CPEB2: variants seen among roughly 807,000 people sequenced by gnomAD.
CPEB2 encodes the protein cytoplasmic polyadenylation element-binding protein 2.
Under a neutral mutation model 93.6 loss-of-function variants are expected in CPEB2, and 56 were observed. The observed-to-expected ratio is 0.60, with a 90% CI of 0.48 to 0.75. The LOEUF (loss-of-function observed/expected upper bound fraction) is 0.75. CPEB2 is among the 30% of genes least tolerant of loss of function. The probability of loss-of-function intolerance (pLI) is 0.00; values close to 1 mark genes in which losing one functional copy is unlikely to be tolerated. For missense variants in CPEB2, 1,579 were observed against 1,395.1 expected, an observed-to-expected ratio of 1.13 and a Z score of -2.10; for synonymous variants, 764 against 586.3, an observed-to-expected ratio of 1.30 and a Z score of -4.38.
chr4:15,039,492 A>C (rs1345766229), intron 5 of CPEB2, among the ~76,000 whole-genome samples: 3 of 151,496 alleles, frequency 2.0e-5, no homozygotes, highest in Admixed American at 2.0e-4. Flanking sequence ...CTGTGAATTT[A>C]AAATAAGATC....
At chr4:15,055,130 A>C (rs1331014976) in intron 8 of CPEB2, among the ~76,000 whole-genome samples, 1 of 152,202 alleles carries the variant, frequency 6.6e-6, no homozygotes, top group Non-Finnish European at 1.5e-5. Flanking sequence ...AGTCATATCT[A>C]CTTTCTGCCA....
rs1722439836 is a variant in CPEB2, at chr4:15,004,127, G to GCGGCGGCTT, written c.1462_1470dup (p.Phe488_Gly490dup). On this transcript the variant is annotated inframe_insertion, in exon 1 of 12. Transcript: ENST00000538197. ...AGCGTTCCGACGAGCGGCGGCGGCG[G>GCGGCGGCTT]CGGCGGCTTCGGCGGCCCCTTCTCG... 1.3e-6 allele frequency: 2 copies of GCGGCGGCTT among 1,532,568 alleles called. No homozygotes were observed. The highest frequency in any genetic ancestry group is 8.7e-7 in the Non-Finnish European group (1 of 1,144,434). The allele number at this position is 1,532,568 out of a possible 1,614,324, so 94.9% of individuals were successfully genotyped here.
intron 11 of CPEB2, among the ~76,000 whole-genome samples, chr4:15,064,927 A>T (rs137912217): frequency 1.3e-5 from 2 of 152,140 alleles, no homozygotes; most frequent in African/African-American, 4.8e-5. Context: ...GACAAAAGAG[A>T]ACTCATAAAT....
At position 15,052,603 on chromosome 4, in the gene CPEB2, A is replaced by G. The variant is rs536508137; in HGVS notation, c.2371+19A>G. 148 of 1,435,624 alleles carry G rather than the reference A, an allele frequency of 1.0e-4. 1 individual carries two copies. In the Middle Eastern group the frequency reaches 1.9e-3, roughly 18 times the overall value. 88.9% of individuals were successfully genotyped at this position (1,435,624 alleles called of 1,614,324 possible). The stretch of plus-strand genomic sequence containing the variant: ...GATGAAGGTATTTATTAAGATATTT[A>G]TTAACATGGTGATTTGGGCTTTAAC... On this transcript the variant is annotated intron_variant, in intron 7 of 11. Transcript: ENST00000538197.
rs1236021316 is a variant in CPEB2 at position 15,067,243 on chromosome 4, A to G, written c.*863A>G. 2.0e-5 allele frequency: 3 copies of G among 151,798 alleles called. No individual in the cohort carries two copies. Among genetic ancestry groups the G allele is most frequent in the Non-Finnish European group, 4.4e-5 (3 of 67,590 alleles). The allele number at this position is 151,798 out of a possible 1,614,324, so 9.4% of individuals were successfully genotyped here. On this transcript the variant is annotated 3_prime_UTR_variant, in exon 12 of 12. Transcript: ENST00000538197. The stretch of plus-strand genomic sequence containing the variant: ...CATGAACAAATTATAAAATTTGTTT[A>G]AAAAAGCAAACTTGCATGCATTATT...
rs2109125111 is a variant in CPEB2 at position 15,068,323 on chromosome 4, A to G, written c.*1943A>G. 6.6e-6 allele frequency: 1 copy of G among 152,450 alleles called. No individual in the cohort carries two copies. The highest frequency in any genetic ancestry group is 1.5e-5 in the Non-Finnish European group (1 of 67,856). The allele number at this position is 152,450 out of a possible 1,614,324, so 9.4% of individuals were successfully genotyped here. A position where few individuals can be genotyped will look rare whatever the true frequency, so the allele number is the denominator to read the frequency against. ...AATGTTTAAAGTTGATGCTGTTTTC[A>G]GAAGAGCTTTTTACTAATTTATTTG... On this transcript the variant is annotated 3_prime_UTR_variant, in exon 12 of 12. Coordinates refer to ENST00000538197, the MANE Select transcript of CPEB2 (RefSeq NM_001177382.2).
rs560841125 is a variant in CPEB2, at chr4:15,068,586, A to G, written c.*2206A>G. 2.2e-4 allele frequency: 33 copies of G among 152,408 alleles called. No homozygotes were observed. Among genetic ancestry groups the G allele is most frequent in the African/African-American group, 7.2e-4 (30 of 41,538 alleles). The allele number at this position is 152,408 out of a possible 1,614,324, so 9.4% of individuals were successfully genotyped here. ...TTAGAGAAGAAATCAGTAGTTTTGC[A>G]ATGTTAATTATTTAGATATTTAATT... On this transcript the variant is annotated 3_prime_UTR_variant, in exon 12 of 12. Transcript: ENST00000538197.
intron 9 of CPEB2, 117 bp downstream of exon 9, chr4:15,058,656 G>A: frequency 1.5e-6 from 1 of 660,600 alleles, no homozygotes; most frequent in Non-Finnish European, 2.7e-6. Flanking sequence ...TTTAGTTTTT[G>A]AAACATCCAG....
chr4:15,028,578 T>C (rs1725729903), intron 4 of CPEB2, among the ~76,000 whole-genome samples: 1 of 152,098 alleles, frequency 6.6e-6, no homozygotes, highest in South Asian at 2.1e-4. Flanking sequence ...ACAGAAAATG[T>C]TAGATGATAA....
In CPEB2 at chr4:15,003,448, C is replaced by T. The variant is rs766862003; in HGVS notation, c.775C>T (p.Pro259Ser). ...CCCGCGGCAGCGTCCGGCAGACCTGCCCCCGCTCCCGCAGCTCCCTCCCTC... is the reference window on the plus strand; with the variant it reads ...CCCGCGGCAGCGTCCGGCAGACCTGTCCCCGCTCCCGCAGCTCCCTCCCTC... ...FAPRQRPADLPPLPQLPPSPP... is the reference protein window; with the variant it reads ...FAPRQRPADLSPLPQLPPSPP... The change falls in exon 1 of 12, where the codon CCC becomes TCC. Residue 259 changes from proline (P) to serine (S), a missense_variant. Physicochemically the swap from Pro to Ser is moderately conservative, Grantham distance 74 (BLOSUM62 -1). This residue lies in a region of CPEB2 where 1,411 missense variants were observed against 1,056.0 expected (regional missense o/e 1.34). Transcript: ENST00000538197. The T allele has an allele frequency of 8.8e-6, 12 of 1,362,464 alleles. No individual in the cohort carries two copies. The South Asian group carries it at 1.3e-4, about 14-fold the overall frequency. 84.4% of individuals were successfully genotyped at this position (1,362,464 alleles called of 1,614,324 possible). A position where few individuals can be genotyped will look rare whatever the true frequency, so the allele number is the denominator to read the frequency against.
rs556217383 is a variant in CPEB2 at position 15,045,103 on chromosome 4, A to G, written c.2200+4616A>G. 9.8e-5 allele frequency among the ~76,000 whole-genome samples: 15 copies of G among 152,300 alleles called. No individual in the cohort carries two copies. In the South Asian group the frequency reaches 2.7e-3, roughly 27 times the overall value. ...ATTTCTCTGTGCTTTTGGCTAAGCA[A>G]ATATCTTCTACCGAAGGAAGGCTTT... On this transcript the variant is annotated intron_variant, in intron 6 of 11. Transcript: ENST00000538197.
chr4:15,003,954 G>GGGCGGCGGC lies in CPEB2; in HGVS notation c.1282_1290dup (p.Gly428_Gly430dup). ...CGCCCGGCTCGTCTGCCACCACCCC[G>GGGCGGCGGC]GGCGGCGGCAGCGGCGGCTCGCTCA... On this transcript the variant is annotated inframe_insertion, in exon 1 of 12. Coordinates refer to ENST00000538197, the MANE Select transcript of CPEB2 (RefSeq NM_001177382.2). 3.0e-6 allele frequency: 4 copies of GGGCGGCGGC among 1,325,414 alleles called. No individual in the cohort carries two copies. The highest frequency in any genetic ancestry group is 3.9e-6 in the Non-Finnish European group (4 of 1,020,206). The allele number at this position is 1,325,414 out of a possible 1,614,324, so 82.1% of individuals were successfully genotyped here. A position where few individuals can be genotyped will look rare whatever the true frequency, so the allele number is the denominator to read the frequency against.
intron 4 of CPEB2, among the ~76,000 whole-genome samples, chr4:15,027,554 A>G (rs560292159): frequency 2.5e-4 from 38 of 152,348 alleles, no homozygotes; most frequent in Admixed American, 8.5e-4. Flanking sequence ...CCACATTCTA[A>G]GTGGATTTTA....
In CPEB2 at chr4:15,031,274, G is replaced by GT. The variant is rs879749456; in HGVS notation, c.2126-1875dup. ...ACAGGTTGCCATTTTGTAGGAGTTTGTTTTTTTTTTTTAAATCTTAAGTCA... is the reference window on the plus strand; with the variant it reads ...ACAGGTTGCCATTTTGTAGGAGTTTGTTTTTTTTTTTTTAAATCTTAAGTCA... On this transcript the variant is annotated intron_variant, in intron 4 of 11. Transcript: ENST00000538197. Among the ~76,000 whole-genome samples, 619 of 141,530 alleles carry GT rather than the reference G, an allele frequency of 4.4e-3. 5 individuals are homozygous for GT. Among genetic ancestry groups the GT allele is most frequent in the African/African-American group, 0.012 (460 of 38,856 alleles). The allele number at this position is 141,530 out of a possible 152,430, so 92.8% of individuals were successfully genotyped here.
At position 15,018,969 on chromosome 4, in the gene CPEB2, T is replaced by TATATATATAC. The variant is rs1479960595; in HGVS notation, c.2125+1692_2125+1693insTATATATACA. 2.2e-3 allele frequency among the ~76,000 whole-genome samples: 300 copies of TATATATATAC among 139,076 alleles called. 2 individuals are homozygous for TATATATATAC. The highest frequency in any genetic ancestry group is 4.8e-3 in the East Asian group (24 of 4,988). 91.2% of individuals were successfully genotyped at this position (139,076 alleles called of 152,430 possible). A position where few individuals can be genotyped will look rare whatever the true frequency, so the allele number is the denominator to read the frequency against. The stretch of plus-strand genomic sequence containing the variant: ...ATATATATATATATATATATATATA[T>TATATATATAC]ACACACGCACACACACACGCATATA... On this transcript the variant is annotated intron_variant, in intron 4 of 11. Transcript: ENST00000538197.
intron 11 of CPEB2, among the ~76,000 whole-genome samples, chr4:15,064,068 G>A (rs756423441): frequency 3.9e-5 from 6 of 151,946 alleles, no homozygotes; most frequent in Non-Finnish European, 8.8e-5. Context: ...AGAGATACAC[G>A]GGATACTTAT....
At chr4:15,029,952 A>T (rs1177051164) in intron 4 of CPEB2, among the ~76,000 whole-genome samples, 1 of 152,086 alleles carries the variant, frequency 6.6e-6, no homozygotes, top group Non-Finnish European at 1.5e-5. Flanking sequence ...CAGATCTTAC[A>T]TGCAGGGGTA....
intron 4 of CPEB2, 85 bp from the exon 5 acceptor site, chr4:15,033,065 TCTTTATGCTGC>T: frequency 1.3e-6 from 1 of 788,268 alleles, no homozygotes; most frequent in Non-Finnish European, 2.1e-6. Flanking sequence ...AATAATTTTC[TCTTTATGCTGC>T]CTTTGTTGTT....
At chr4:15,051,492 AAT>A (rs1728213502) in intron 6 of CPEB2, among the ~76,000 whole-genome samples, 1 of 152,140 alleles carries the variant, frequency 6.6e-6, no homozygotes, top group East Asian at 1.9e-4. Flanking sequence ...TGTTCCTGTA[AAT>A]ATTTCCACCT....
Sources: gnomAD v4.1 joint callset for allele counts (sites outside exome capture counted in the v4.1 genomes callset) on GRCh38, gnomAD v4.1.1 for gene constraint, gnomAD v4.1.1 regional missense constraint, MANE v1.5 for transcripts, NCBI Gene and HGNC (gene_info 2026-07-23, HGNC 2026-07-21) for gene names.